The following MIER3 variants were observed in gnomAD, a reference collection of about 807,000 sequenced individuals.
The protein encoded by MIER3 is MIER family member 3.
A neutral mutation model predicts 63.2 loss-of-function variants in MIER3; 9 were observed. That is an observed-to-expected ratio of 0.14 (90% CI 0.09 to 0.25). The LOEUF (loss-of-function observed/expected upper bound fraction) is 0.25. MIER3 is among the 10% of genes least tolerant of loss of function. The pLI, the probability that MIER3 is intolerant of heterozygous loss-of-function variation, is 1.00. For missense variants in MIER3, 512 were observed against 666.2 expected, an observed-to-expected ratio of 0.77 and a Z score of 2.55; for synonymous variants, 205 against 224.9, an observed-to-expected ratio of 0.91 and a Z score of 0.79.
At chr5:56,950,718 C>G in intron 1 of MIER3, 66 bp from the exon 2 acceptor site, 1 of 1,586,116 alleles carries the variant, frequency 6.3e-7, no homozygotes, top group Non-Finnish European at 8.6e-7. Flanking sequence ...GCGCCGGCAA[C>G]AGGGCGCAGA....
rs1554041077 is a variant in MIER3, at chr5:56,929,005, ACTCT to A, written c.830-148_830-145del. On this transcript the variant is annotated intron_variant, in intron 9 of 12. Transcript: ENST00000381199. ...CACTCTCTCTCTCACACACACACAC[ACTCT>A]CTCTCTCTCTCTCTCTCTGTATGCA... 1,022 of 503,566 alleles carry A rather than the reference ACTCT, an allele frequency of 2.0e-3. 1 individual carries two copies. Among genetic ancestry groups the A allele is most frequent in the East Asian group, 5.4e-3 (156 of 28,824 alleles). 31.2% of individuals were successfully genotyped at this position (503,566 alleles called of 1,614,324 possible).
rs374619424 is a variant in MIER3, at chr5:56,951,435, A to G, written c.9+659T>C. On this transcript the variant is annotated intron_variant, in intron 1 of 12. Coordinates refer to ENST00000381199, the MANE Select transcript of MIER3 (RefSeq NM_001297599.2). ...AGCCCAGAGAAAACTGGAGCTATCA[A>G]GCCGCTCTCCTGGAGAGGGCGTCGA... is the stretch of plus-strand genomic sequence containing the variant. Among the ~76,000 whole-genome samples the G allele has an allele frequency of 4.3e-3, 648 of 152,062 alleles. 4 individuals carry two copies. The highest frequency in any genetic ancestry group is 7.1e-3 in the Non-Finnish European group (482 of 67,938).
At chr5:56,952,142 T>G, upstream of MIER3, 1 of 1,207,762 alleles carries the variant, frequency 8.3e-7, no homozygotes. Context: ...CCGAGCCCAG[T>G]CCCCGGATGG....
Position 56,950,657 on chromosome 5 carries a change from G to A in MIER3, c.10-5C>T. On this transcript the variant is annotated splice_region_variant and splice_polypyrimidine_tract_variant and intron_variant, in intron 1 of 12. Coordinates refer to ENST00000381199, the MANE Select transcript of MIER3 (RefSeq NM_001297599.2). ...GCTCGAACTTCCAAAAGAAGCCTAGGAGAGAGAGAAGAAAACGTGAGGTTA... is the reference window on the plus strand; with the variant it reads ...GCTCGAACTTCCAAAAGAAGCCTAGAAGAGAGAGAAGAAAACGTGAGGTTA... The A allele has an allele frequency of 1.2e-6, 2 of 1,613,418 alleles. No individual in the cohort carries two copies. Among genetic ancestry groups the A allele is most frequent in the Non-Finnish European group, 1.7e-6 (2 of 1,179,620 alleles).
chr5:56,949,195 A>G (rs1228491301), intron 2 of MIER3, among the ~76,000 whole-genome samples: 1 of 152,118 alleles, frequency 6.6e-6, no homozygotes, highest in African/African-American at 2.4e-5. Flanking sequence ...ATCTCTACTA[A>G]AAATACAAAA....
At chr5:56,943,557 C>T (rs557034099) in intron 3 of MIER3, among the ~76,000 whole-genome samples, 8 of 152,158 alleles carry the variant, frequency 5.3e-5, no homozygotes, top group South Asian at 4.2e-4. Context: ...TGACCATCTC[C>T]GTAGAAACTG....
rs766862363 is a variant in MIER3 at position 56,923,923 on chromosome 5, A to C, written c.1044T>G (p.Pro348=). ...AAGGCCACAGTACTTACGTAACTCC[A>C]GGGTGATGGTTATATCTTTTTTTCC... ...RFGKKRYNHH[P]GVTDYMDRLV... is the part of the protein sequence containing the mutation. Residue 348 remains proline (P), a synonymous_variant, in exon 11 of 13, where the codon CCT becomes CCG. Transcript: ENST00000381199. The C allele has an allele frequency of 1.9e-6, 3 of 1,614,130 alleles. No individual in the cohort carries two copies. Among genetic ancestry groups the C allele is most frequent in the Non-Finnish European group, 8.5e-7 (1 of 1,179,994 alleles).
chr5:56,923,959 C>T lies in MIER3; in HGVS notation c.1008G>A (p.Gln336=), dbSNP rs185703021. 4.3e-6 allele frequency: 7 copies of T among 1,614,070 alleles called. No homozygotes were observed. The Admixed American group carries it at 6.7e-5, about 15-fold the overall frequency. ...TATATCTTTTTTTCCCAAATCTTGT[C>T]TGTTGAGCAAAGTAATCATAACGTT... ...KSERYDYFAQ[Q]TRFGKKRYNH... The change falls in exon 11 of 13, where the codon CAG becomes CAA. Residue 336 remains glutamine, a synonymous_variant. Coordinates refer to ENST00000381199, the MANE Select transcript of MIER3 (RefSeq NM_001297599.2).
At position 56,937,647 on chromosome 5, in the gene MIER3, A is replaced by G. The variant is rs752095783; in HGVS notation, c.367T>C (p.Ser123Pro). 3 of 1,612,356 alleles carry G rather than the reference A, an allele frequency of 1.9e-6. No homozygotes were observed. Among genetic ancestry groups the G allele is most frequent in the South Asian group, 2.2e-5 (2 of 90,722 alleles). The stretch of plus-strand genomic sequence containing the variant: ...ACAGATGGCGTCAGATCATCCGCAG[A>G]AGACTGAGTTTCCTCGTCATCACCT... ...LSGDDEETQS[S>P]ADDLTPSVTS... The change falls in exon 5 of 13, where the codon TCT (serine) becomes CCT (proline). Residue 123 changes from serine (S) to proline (P), a missense_variant. Coordinates refer to ENST00000381199, the MANE Select transcript of MIER3 (RefSeq NM_001297599.2).
At chr5:56,925,213 C>G (rs74960578) in intron 10 of MIER3, 92 of 332,562 alleles carry the variant, frequency 2.8e-4, no homozygotes, top group South Asian at 1.1e-3. Flanking sequence ...TTCAAACATA[C>G]AGAAAGTGTG....
rs902577117 is a variant in MIER3 at position 56,943,908 on chromosome 5, A to T, written c.180+3018T>A. ...TGAACCTATTTACATTTTAAGGGAC[A>T]CAGTAGAGTCTAGTCACACTTATAA... On this transcript the variant is annotated intron_variant, in intron 3 of 12. Coordinates refer to ENST00000381199, the MANE Select transcript of MIER3 (RefSeq NM_001297599.2). 8.9e-4 allele frequency among the ~76,000 whole-genome samples: 135 copies of T among 152,150 alleles called. 1 individual carries two copies. The highest frequency in any genetic ancestry group is 4.7e-4 in the Non-Finnish European group (32 of 68,038).
intron 5 of MIER3, 81 bp from the exon 6 acceptor site, chr5:56,935,832 G>A: frequency 1.9e-6 from 2 of 1,043,540 alleles, no homozygotes; most frequent in Admixed American, 2.0e-5. Context: ...TTTACAAAAT[G>A]TTGTTAAATA....
At chr5:56,951,307 A>G (rs1579870979) in intron 1 of MIER3, among the ~76,000 whole-genome samples, 1 of 150,984 alleles carries the variant, frequency 6.6e-6, no homozygotes, top group African/African-American at 2.4e-5. Flanking sequence ...CGCCCCAGCG[A>G]GCTCCAGCCC....
In MIER3 at chr5:56,935,456, A is replaced by G. The variant is rs149389736; in HGVS notation, c.567T>C (p.Tyr189=). The change falls in exon 7 of 13, where the codon TAT becomes TAC. Residue 189 remains tyrosine (Y), a synonymous_variant. Coordinates refer to ENST00000381199, the MANE Select transcript of MIER3 (RefSeq NM_001297599.2). The part of the protein sequence containing the change: ...GLQYQAEIPP[Y]LGEYDGNEKV... Reference sequence around the variant, plus strand: ...TCTCATTACCATCGTACTCTCCAAGATAAGGGGGAATCTCTGCCTGATATT... The same window carrying G: ...TCTCATTACCATCGTACTCTCCAAGGTAAGGGGGAATCTCTGCCTGATATT... 216 of 1,596,654 alleles carry G rather than the reference A, an allele frequency of 1.4e-4. No individual in the cohort carries two copies. Among genetic ancestry groups the G allele is most frequent in the Non-Finnish European group, 1.8e-4 (208 of 1,175,254 alleles).
chr5:56,940,752 C>T (rs1213624696), intron 3 of MIER3, among the ~76,000 whole-genome samples: 1 of 152,204 alleles, frequency 6.6e-6, no homozygotes, highest in Admixed American at 6.5e-5. Flanking sequence ...CATGGGGAAA[C>T]TTCAATGAAT....
intron 3 of MIER3, among the ~76,000 whole-genome samples, chr5:56,944,833 TACTAGCATGC>T (rs1358688844): frequency 6.6e-6 from 1 of 152,028 alleles, no homozygotes; most frequent in Non-Finnish European, 1.5e-5. Flanking sequence ...TAGCTGGGGC[TACTAGCATGC>T]ACCATCACAC....
Position 56,922,781 on chromosome 5 carries a change from C to CGCCG in MIER3, c.*346_*347insCGGC. ...CTGGTTTTGAGCTGGTGGCCTCTGT[C>CGCCG]TACAGGTTTTAAAATTGGGAGTGAG... On this transcript the variant is annotated 3_prime_UTR_variant, in exon 13 of 13. Coordinates refer to ENST00000381199, the MANE Select transcript of MIER3 (RefSeq NM_001297599.2). The CGCCG allele has an allele frequency of 1.9e-5, 5 of 264,694 alleles. No homozygotes were observed. The highest frequency in any genetic ancestry group is 5.6e-5 in the South Asian group (1 of 17,824). The allele number at this position is 264,694 out of a possible 1,614,324, so 16.4% of individuals were successfully genotyped here. A position where few individuals can be genotyped will look rare whatever the true frequency, so the allele number is the denominator to read the frequency against.
At chr5:56,939,113 C>G in intron 3 of MIER3, 96 bp from the exon 4 acceptor site, 2 of 1,333,626 alleles carry the variant, frequency 1.5e-6, no homozygotes, top group Non-Finnish European at 2.0e-6. Context: ...AGCACATTAT[C>G]AAAACAGCAG....
At chr5:56,951,526 C>G (rs1266739632) in intron 1 of MIER3, among the ~76,000 whole-genome samples, 1 of 152,280 alleles carries the variant, frequency 6.6e-6, no homozygotes, top group East Asian at 1.9e-4. Context: ...TGGGGAGTCC[C>G]GCTCTTCTGA....
Sources: allele counts gnomAD v4.1 joint callset (sites outside exome capture counted in the v4.1 genomes callset), GRCh38; gene constraint gnomAD v4.1.1; transcripts MANE v1.5; gene names NCBI Gene and HGNC (gene_info 2026-07-23, HGNC 2026-07-21).